KALRN: variants seen among roughly 807,000 people sequenced by gnomAD.
KALRN encodes the protein kalirin RhoGEF kinase.
KALRN carries 70 observed loss-of-function variants against 353.7 expected under a neutral mutation model. That is an observed-to-expected ratio of 0.20 (90% CI 0.16 to 0.24). The LOEUF (loss-of-function observed/expected upper bound fraction) is 0.24, where lower values mean the gene tolerates loss of function less well. Among genes scored for constraint, KALRN ranks in the 10% least tolerant of loss-of-function variants. The pLI is 1.00. For synonymous variants in KALRN, 1,391 were observed against 1,434.8 expected (o/e 0.97, Z 0.69); for missense variants, 2,791 against 3,756.7 (o/e 0.74, Z 6.72).
intron 1 of KALRN, among the ~76,000 whole-genome samples, chr3:124,073,190 C>T (rs1044071257): frequency 7.9e-5 from 12 of 152,174 alleles, no homozygotes; most frequent in South Asian, 2.1e-4. Context: ...TTGGTTAATA[C>T]GAATCTTCAC....
At chr3:124,554,214 GGTTTGGTGGCATGCGCCT>G (rs2070921357) in intron 33 of KALRN, among the ~76,000 whole-genome samples, 1 of 152,230 alleles carries the variant, frequency 6.6e-6, no homozygotes, top group African/African-American at 2.4e-5. Context: ...AAATTAGCCA[GGTTTGGTGGCATGCGCCT>G]GTAATTCCAG....
At chr3:124,637,376 C>T (rs1307150162) in intron 37 of KALRN, 73 bp downstream of exon 37, 8 of 1,105,574 alleles carry the variant, frequency 7.2e-6, no homozygotes, top group South Asian at 1.2e-5. Context: ...ATCTGTCTGC[C>T]GTTTTCTCCT....
At chr3:124,718,191 A>G (rs573178206) in intron 59 of KALRN, among the ~76,000 whole-genome samples, 217 of 141,580 alleles carry the variant, frequency 1.5e-3, no homozygotes, top group Middle Eastern at 8.1e-3. Context: ...GCATGATCTC[A>G]GCTCACTGCA....
In KALRN at chr3:124,298,884, C is replaced by G; in HGVS notation, c.1063C>G (p.Gln355Glu). The G allele has an allele frequency of 6.2e-7, 1 of 1,614,170 alleles. No homozygotes were observed. The highest frequency in any genetic ancestry group is 1.3e-5 in the African/African-American group (1 of 75,044). The part of the protein sequence containing the change: ...SYQYALDLQT[Q>E]HNHFAMNSMN... ...CCAGTACGCCCTTGACCTCCAGACGCAGCACAATCACTTTGCCATGAACTC... is the reference window on the plus strand; with the variant it reads ...CCAGTACGCCCTTGACCTCCAGACGGAGCACAATCACTTTGCCATGAACTC... Residue 355 changes from glutamine to glutamate, a missense_variant, in exon 6 of 60, where the codon CAG (glutamine) becomes GAG (glutamate). By Grantham distance (29) the Gln-to-Glu change is conservative (BLOSUM62 2). Transcript: ENST00000682506.
At chr3:124,666,417 A>ATTCACTTCACCCCAGCCCGTCTTTCC (rs773074111) in intron 45 of KALRN, 32 bp from the exon 46 acceptor site, 1 of 1,606,094 alleles carries the variant, frequency 6.2e-7, no homozygotes, top group East Asian at 2.2e-5. Context: ...CCCATTTTTC[A>ATTCACTTCACCCCAGCCCGTCTTTCC]TTCACTTCAC....
Position 124,660,950 on chromosome 3 carries a change from G to C in KALRN, c.6244G>C (p.Gly2082Arg). 1 of 1,610,962 alleles carries C rather than the reference G, an allele frequency of 6.2e-7. No individual in the cohort carries two copies. Among genetic ancestry groups the C allele is most frequent in the Non-Finnish European group, 8.5e-7 (1 of 1,177,282 alleles). The change falls in exon 44 of 60, where the codon GGT (glycine) becomes CGT (arginine). Residue 2082 changes from glycine (G) to arginine (R), a missense_variant. Physicochemically the swap from Gly to Arg is moderately radical, Grantham distance 125. Coordinates refer to ENST00000682506, the MANE Select transcript of KALRN (RefSeq NM_001388419.1). ...CTTCCTGAGATACAGTGAGAAGGCT[G>C]GTTTGGAGTGTTCAGATATTGAGGT... The part of the protein sequence containing the change: ...KDFLRYSEKA[G>R]LECSDIEKAV...
chr3:124,664,419 T>C (rs2085352122), intron 45 of KALRN, among the ~76,000 whole-genome samples: 3 of 151,586 alleles, frequency 2.0e-5, no homozygotes, highest in Admixed American at 2.0e-4. Context: ...TCAAGCTTTT[T>C]TTTTTTTTTG....
At chr3:124,090,329 G>A (rs562671889) in intron 1 of KALRN, among the ~76,000 whole-genome samples, 8 of 152,202 alleles carry the variant, frequency 5.3e-5, no homozygotes, top group South Asian at 2.1e-4. Flanking sequence ...AGCAGAGGTC[G>A]GAGGTGAGCA....
At chr3:124,700,890 C>T (rs1258785161) in intron 56 of KALRN, among the ~76,000 whole-genome samples, 1 of 152,230 alleles carries the variant, frequency 6.6e-6, no homozygotes, top group Non-Finnish European at 1.5e-5. Context: ...CCACAGTCAG[C>T]CCGGTTTTCT....
At chr3:124,640,021 G>C (rs1386480184) in intron 37 of KALRN, among the ~76,000 whole-genome samples, 2 of 152,162 alleles carry the variant, frequency 1.3e-5, no homozygotes, top group African/African-American at 4.8e-5. Flanking sequence ...GGAGCACTAA[G>C]TTGCATTTTC....
Position 124,632,711 on chromosome 3 carries a change from C to G in KALRN, c.5466+8C>G. 2 of 1,612,136 alleles carry G rather than the reference C, an allele frequency of 1.2e-6. No homozygotes were observed. Among genetic ancestry groups the G allele is most frequent in the Non-Finnish European group, 8.5e-7 (1 of 1,178,696 alleles). On this transcript the variant is annotated splice_region_variant and intron_variant, in intron 35 of 59. Transcript: ENST00000682506. ...GGAGACAGCGCTGATGAGGTACTTA[C>G]AGGGGGCCCTGGAGTTGTCCATCAG... is the stretch of plus-strand genomic sequence containing the variant.
At chr3:124,131,369 G>T (rs551408594) in intron 1 of KALRN, among the ~76,000 whole-genome samples, 2 of 152,194 alleles carry the variant, frequency 1.3e-5, no homozygotes, top group Admixed American at 1.3e-4. Context: ...TCTTCAAGGA[G>T]TATATGAAAT....
chr3:124,152,057 G>A, intron 1 of KALRN: 5 of 1,382,634 alleles, frequency 3.6e-6, no homozygotes, highest in Non-Finnish European at 5.1e-6. Context: ...TCTGTCTCAT[G>A]GAGAAGATAA....
chr3:124,610,639 G>GC (rs960560789), intron 34 of KALRN, among the ~76,000 whole-genome samples: 4 of 151,930 alleles, frequency 2.6e-5, no homozygotes, highest in African/African-American at 9.7e-5. Flanking sequence ...AACCCTGGGG[G>GC]GGGCGGCTAT....
intron 11 of KALRN, among the ~76,000 whole-genome samples, chr3:124,387,002 A>G (rs1231772034): frequency 1.3e-5 from 2 of 152,146 alleles, no homozygotes; most frequent in Non-Finnish European, 2.9e-5. Context: ...CTGTCTTCCT[A>G]TTACCTACAC....
intron 1 of KALRN, among the ~76,000 whole-genome samples, chr3:124,050,417 A>G (rs1251807113): frequency 6.6e-6 from 1 of 152,180 alleles, no homozygotes; most frequent in African/African-American, 2.4e-5. Context: ...CACCTTGGCC[A>G]GTGCTGTGTT....
In KALRN at chr3:124,136,492, C is replaced by G. The variant is rs555587204; in HGVS notation, c.74-91498C>G. Reference sequence around the variant, plus strand: ...GAATTTTACCAAATTGCCAAGGTCCCCCCCCCATTGATTGGAATCAGGATT... The same window carrying G: ...GAATTTTACCAAATTGCCAAGGTCCGCCCCCCATTGATTGGAATCAGGATT... On this transcript the variant is annotated intron_variant, in intron 1 of 59. Transcript: ENST00000682506. Among the ~76,000 whole-genome samples, 40 of 152,174 alleles carry G rather than the reference C, an allele frequency of 2.6e-4. No homozygotes were observed. The South Asian group carries it at 8.1e-3, about 31-fold the overall frequency.
chr3:124,217,739 A>G (rs961402832), intron 1 of KALRN, among the ~76,000 whole-genome samples: 2 of 152,132 alleles, frequency 1.3e-5, no homozygotes, highest in Non-Finnish European at 2.9e-5. Context: ...AGCGGCATAC[A>G]TGTCCTGGCA....
intron 1 of KALRN, among the ~76,000 whole-genome samples, chr3:124,051,511 T>G (rs1411251562): frequency 6.6e-6 from 1 of 152,204 alleles, no homozygotes; most frequent in Non-Finnish European, 1.5e-5. Context: ...ATAGCAAGGA[T>G]GTGGTAAATA....
Sources: gnomAD v4.1 joint callset for allele counts (sites outside exome capture counted in the v4.1 genomes callset) on GRCh38, gnomAD v4.1.1 for gene constraint, MANE v1.5 for transcripts, NCBI Gene and HGNC (gene_info 2026-07-23, HGNC 2026-07-21) for gene names.